The following VIT variants were observed in gnomAD, a reference collection of about 807,000 sequenced individuals.
VIT encodes the protein vitrin.
A neutral mutation model predicts 78.0 loss-of-function variants in VIT; 99 were observed. The ratio of observed to expected loss-of-function variants is 1.27; its 90% CI spans 1.08 to 1.50. VIT has a LOEUF of 1.50. Ranked by LOEUF, VIT falls within the 40% of genes most tolerant of loss-of-function variation. The probability of loss-of-function intolerance (pLI) is 0.00; values close to 1 mark genes in which losing one functional copy is unlikely to be tolerated. For synonymous variants in VIT, 374 were observed against 334.3 expected, an observed-to-expected ratio of 1.12 and a Z score of -1.29; for missense variants, 1,126 against 875.3, an observed-to-expected ratio of 1.29 and a Z score of -3.61.
At chr2:36,697,857 G>A (rs545337332) in intron 1 of VIT, among the ~76,000 whole-genome samples, 108 of 152,286 alleles carry the variant, frequency 7.1e-4, no homozygotes, top group Non-Finnish European at 1.2e-3. Context: ...TCAAAATTGC[G>A]TGTGCTAAGA....
At chr2:36,716,285 A>G (rs1288561601) in intron 1 of VIT, 68 bp from the exon 2 acceptor site, 1 of 1,338,124 alleles carries the variant, frequency 7.5e-7, no homozygotes, top group African/African-American at 1.4e-5. Flanking sequence ...CTATCCCCAC[A>G]CACTCTGTGC....
At chr2:36,726,185 C>A (rs761574147) in intron 2 of VIT, among the ~76,000 whole-genome samples, 1 of 151,768 alleles carries the variant, frequency 6.6e-6, no homozygotes, top group Non-Finnish European at 1.5e-5. Flanking sequence ...AATAATGGAT[C>A]GATGCAAAGA....
intron 6 of VIT, among the ~76,000 whole-genome samples, chr2:36,766,455 C>A (rs1669435611): frequency 2.0e-5 from 3 of 152,100 alleles, no homozygotes; most frequent in African/African-American, 7.2e-5. Flanking sequence ...CACTGTACCC[C>A]AGAAGTTCGA....
intron 12 of VIT, among the ~76,000 whole-genome samples, chr2:36,794,519 C>T (rs944142815): frequency 6.6e-6 from 1 of 152,152 alleles, no homozygotes; most frequent in African/African-American, 2.4e-5. Flanking sequence ...GGTCCTGAGA[C>T]CTGCCACGGA....
At chr2:36,777,789 T>G (rs1207141565) in intron 9 of VIT, among the ~76,000 whole-genome samples, 1 of 152,232 alleles carries the variant, frequency 6.6e-6, no homozygotes, top group Non-Finnish European at 1.5e-5. Context: ...TGTCATTGAA[T>G]GTGTTAACAT....
intron 15 of VIT, among the ~76,000 whole-genome samples, chr2:36,811,060 G>C (rs1015260716): frequency 6.6e-6 from 1 of 152,230 alleles, no homozygotes; most frequent in Non-Finnish European, 1.5e-5. Context: ...AAAGTAGCCA[G>C]AGACGGGGTT....
intron 1 of VIT, among the ~76,000 whole-genome samples, chr2:36,699,633 GATAGA>G (rs1558495822): frequency 4.7e-5 from 7 of 149,466 alleles, no homozygotes; most frequent in African/African-American, 1.0e-4. Context: ...TAGGTAGATA[GATAGA>G]TAGATAGATA....
intron 2 of VIT, among the ~76,000 whole-genome samples, chr2:36,717,825 G>A (rs1278009322): frequency 6.6e-6 from 1 of 152,116 alleles, no homozygotes; most frequent in African/African-American, 2.4e-5. Flanking sequence ...GGTGGATTAG[G>A]ACAACAAAAA....
chr2:36,706,812 A>AAAT (rs1665456667), intron 1 of VIT, among the ~76,000 whole-genome samples: 1 of 152,252 alleles, frequency 6.6e-6, no homozygotes, highest in African/African-American at 2.4e-5. Context: ...ATGCAAATGA[A>AAAT]GAGTGGCATT....
intron 7 of VIT, among the ~76,000 whole-genome samples, 195 bp downstream of exon 7, chr2:36,767,480 G>C (rs749064766): frequency 6.6e-6 from 1 of 152,164 alleles, no homozygotes; most frequent in Non-Finnish European, 1.5e-5. Flanking sequence ...TGCTGTCACC[G>C]TACTTCTGAA....
Position 36,716,392 on chromosome 2 carries a change from A to G in VIT, c.22A>G (p.Met8Val). 6.2e-7 allele frequency: 1 copy of G among 1,614,010 alleles called. No individual in the cohort carries two copies. ...ATTTATGAGGACTGTTGTTCTCACT[A>G]TGAAGGCATCTGTTATTGAAATGTT... Reference protein sequence around the residue: MRTVVLTMKASVIEMFLV... With the variant: MRTVVLTVKASVIEMFLV... Residue 8 changes from methionine to valine, a missense_variant, in exon 2 of 16, where the codon ATG becomes GTG. Met to Val is a conservative substitution (Grantham distance 21, BLOSUM62 1). Coordinates refer to ENST00000379242, the MANE Select transcript of VIT (RefSeq NM_053276.4).
At chr2:36,708,996 A>G (rs1375129472) in intron 1 of VIT, among the ~76,000 whole-genome samples, 3 of 152,120 alleles carry the variant, frequency 2.0e-5, no homozygotes, top group Non-Finnish European at 4.4e-5. Context: ...CTAAAAATAC[A>G]AAAATTAGCC....
intron 14 of VIT, among the ~76,000 whole-genome samples, chr2:36,807,621 C>A (rs146534831): frequency 6.6e-6 from 1 of 152,316 alleles, no homozygotes; most frequent in East Asian, 1.9e-4. Flanking sequence ...TCTGGTCTGA[C>A]TCTTTCTGTG....
Position 36,761,434 on chromosome 2 carries a change from T to C in VIT, c.487+2388T>C, listed in dbSNP as rs559649661. ...CCCGTGGGAAGTTCAGTGGCATCTCTCCTGTTTTGGAAAGGGGTACTTGTG... is the reference window on the plus strand; with the variant it reads ...CCCGTGGGAAGTTCAGTGGCATCTCCCCTGTTTTGGAAAGGGGTACTTGTG... On this transcript the variant is annotated intron_variant, in intron 6 of 15. Coordinates refer to ENST00000379242, the MANE Select transcript of VIT (RefSeq NM_053276.4). 8.5e-5 allele frequency among the ~76,000 whole-genome samples: 13 copies of C among 152,188 alleles called. No homozygotes were observed. The South Asian group carries it at 2.7e-3, about 32-fold the overall frequency.
chr2:36,769,813 C>T (rs1669640717), intron 7 of VIT, among the ~76,000 whole-genome samples: 1 of 152,104 alleles, frequency 6.6e-6, no homozygotes, highest in Non-Finnish European at 1.5e-5. Flanking sequence ...AAAAGAAATC[C>T]CGTGCCCATA....
At chr2:36,702,997 G>A (rs373717550) in intron 1 of VIT, among the ~76,000 whole-genome samples, 3 of 152,280 alleles carry the variant, frequency 2.0e-5, no homozygotes, top group East Asian at 3.9e-4. Flanking sequence ...ACAACCCCAG[G>A]CTGACTCTGT....
intron 2 of VIT, among the ~76,000 whole-genome samples, chr2:36,724,833 G>A (rs772989626): frequency 6.6e-6 from 1 of 152,130 alleles, no homozygotes; most frequent in Admixed American, 6.5e-5. Flanking sequence ...AGGCACAGAG[G>A]CCAAGAACAG....
intron 9 of VIT, among the ~76,000 whole-genome samples, chr2:36,778,847 T>A (rs1176007645): frequency 2.0e-5 from 3 of 152,180 alleles, no homozygotes; most frequent in African/African-American, 7.2e-5. Context: ...CTGGTCCAGA[T>A]GCCTGCTGCC....
At position 36,774,797 on chromosome 2, in the gene VIT, A is replaced by C. The variant is rs558676620; in HGVS notation, c.737-205A>C. The C allele has an allele frequency of 3.1e-5, 31 of 985,398 alleles. No homozygotes were observed. The Admixed American group carries it at 6.1e-4, about 20-fold the overall frequency. 61.0% of individuals were successfully genotyped at this position (985,398 alleles called of 1,614,324 possible). ...GACTCGTGGGACTCTACAGGAGCCCAATCCATGGAGCACTGTTTCCTCCTG... is the reference window on the plus strand; with the variant it reads ...GACTCGTGGGACTCTACAGGAGCCCCATCCATGGAGCACTGTTTCCTCCTG... On this transcript the variant is annotated intron_variant, in intron 8 of 15. Coordinates refer to ENST00000379242, the MANE Select transcript of VIT (RefSeq NM_053276.4).
Sources: allele counts gnomAD v4.1 joint callset (sites outside exome capture counted in the v4.1 genomes callset), GRCh38; gene constraint gnomAD v4.1.1; transcripts MANE v1.5; gene names NCBI Gene and HGNC (gene_info 2026-07-23, HGNC 2026-07-21).